TTLL11: variants seen among roughly 807,000 people sequenced by gnomAD.
TTLL11 encodes the protein tubulin polyglutamylase TTLL11.
A neutral mutation model predicts 51.7 loss-of-function variants in TTLL11; 42 were observed. That is an observed-to-expected ratio of 0.81 (90% CI 0.64 to 1.05). The LOEUF is 1.05. TTLL11 is among the 50% of genes least tolerant of loss of function. The probability of loss-of-function intolerance (pLI) is 0.00; values close to 1 mark genes in which losing one functional copy is unlikely to be tolerated. For synonymous variants in TTLL11, 381 were observed against 383.5 expected, an observed-to-expected ratio of 0.99 and a Z score of 0.08; for missense variants, 799 against 940.4, an observed-to-expected ratio of 0.85 and a Z score of 1.97.
At chr9:121,834,170 G>C (rs991947088) in intron 8 of TTLL11, among the ~76,000 whole-genome samples, 1 of 152,176 alleles carries the variant, frequency 6.6e-6, no homozygotes, top group South Asian at 2.1e-4. Flanking sequence ...TTCATCACAG[G>C]AATCTCAGCC....
chr9:122,019,821 G>C (rs995373796), intron 3 of TTLL11, among the ~76,000 whole-genome samples: 6 of 152,186 alleles, frequency 3.9e-5, no homozygotes, highest in Non-Finnish European at 7.3e-5. Flanking sequence ...CCCAGTGGGA[G>C]ATAACTGAAT....
At chr9:121,845,899 A>G (rs1424064747) in intron 8 of TTLL11, among the ~76,000 whole-genome samples, 1 of 152,212 alleles carries the variant, frequency 6.6e-6, no homozygotes, top group Non-Finnish European at 1.5e-5. Context: ...TGTTACAAAC[A>G]TTGATAGGTA....
intron 7 of TTLL11, among the ~76,000 whole-genome samples, chr9:121,868,357 C>T (rs150108742): frequency 6.6e-6 from 1 of 152,316 alleles, no homozygotes; most frequent in East Asian, 1.9e-4. Flanking sequence ...AATGGGGTAG[C>T]ACTATGCACA....
intron 3 of TTLL11, among the ~76,000 whole-genome samples, chr9:122,029,286 G>T (rs1844452517): frequency 1.3e-5 from 2 of 151,828 alleles, no homozygotes; most frequent in Non-Finnish European, 2.9e-5. Context: ...AAAAAAAAAA[G>T]TTGACTGTAG....
At position 121,890,773 on chromosome 9, in the gene TTLL11, G is replaced by GTGCATGAA. The variant is rs1437364138; in HGVS notation, c.1482-20033_1482-20026dup. 2.0e-5 allele frequency among the ~76,000 whole-genome samples: 3 copies of GTGCATGAA among 151,974 alleles called. No homozygotes were observed. Among genetic ancestry groups the GTGCATGAA allele is most frequent in the Non-Finnish European group, 4.4e-5 (3 of 68,032 alleles). On this transcript the variant is annotated intron_variant, in intron 6 of 8. Coordinates refer to ENST00000321582, the MANE Select transcript of TTLL11 (RefSeq NM_001139442.2). The surrounding 1 kb of genome is among the most constrained non-coding windows in gnomAD (Gnocchi z 4.3). ...TAAGTGCTCAATAAACACTGGCTAGGTGCATGAATGCATGAATGGGTGCAT... is the reference window on the plus strand; with the variant it reads ...TAAGTGCTCAATAAACACTGGCTAGGTGCATGAATGCATGAATGCATGAATGGGTGCAT...
intron 6 of TTLL11, among the ~76,000 whole-genome samples, chr9:121,932,953 C>A (rs995521286): frequency 6.6e-6 from 1 of 152,138 alleles, no homozygotes; most frequent in Non-Finnish European, 1.5e-5. Flanking sequence ...TAAATTACAT[C>A]CGAGCCTGTA....
chr9:121,876,922 G>T (rs1168123028), intron 6 of TTLL11, among the ~76,000 whole-genome samples: 1 of 152,240 alleles, frequency 6.6e-6, no homozygotes. Flanking sequence ...AGAATCACTG[G>T]TCTAGGTGAA....
At chr9:121,958,297 G>A (rs562781537) in intron 6 of TTLL11, among the ~76,000 whole-genome samples, 2 of 152,328 alleles carry the variant, frequency 1.3e-5, no homozygotes, top group East Asian at 3.9e-4. Context: ...TGCTGTTGCT[G>A]TTTTCTTTCT....
chr9:121,973,617 C>G (rs1297661242), intron 6 of TTLL11, among the ~76,000 whole-genome samples: 1 of 151,872 alleles, frequency 6.6e-6, no homozygotes, highest in Non-Finnish European at 1.5e-5. Flanking sequence ...GGGGGAAGGA[C>G]AGCATTAGGA....
intron 1 of TTLL11, among the ~76,000 whole-genome samples, chr9:122,087,819 T>C (rs956416406): frequency 4.5e-4 from 68 of 152,330 alleles, no homozygotes; most frequent in African/African-American, 1.4e-3. Flanking sequence ...ACATTGAGCA[T>C]CTGCGGTGAA....
intron 1 of TTLL11, among the ~76,000 whole-genome samples, chr9:122,088,244 G>C (rs565717293): frequency 4.3e-4 from 65 of 152,202 alleles, no homozygotes; most frequent in African/African-American, 1.3e-3. Context: ...TGTAAAACCT[G>C]GTCCATACTG....
chr9:121,858,909 A>G, intron 8 of TTLL11, among the ~76,000 whole-genome samples: 1 of 152,210 alleles, frequency 6.6e-6, no homozygotes, highest in South Asian at 2.1e-4. Flanking sequence ...GACTCACAGG[A>G]GCAAGCTGCC....
At chr9:121,884,200 G>A (rs543468458) in intron 6 of TTLL11, among the ~76,000 whole-genome samples, 88 of 152,174 alleles carry the variant, frequency 5.8e-4, no homozygotes, top group African/African-American at 2.0e-3. Context: ...TGTTTATGGC[G>A]ACACAATGGC....
At chr9:121,847,214 A>G (rs1837544498) in intron 8 of TTLL11, among the ~76,000 whole-genome samples, 1 of 146,052 alleles carries the variant, frequency 6.8e-6, no homozygotes, top group Non-Finnish European at 1.5e-5. Flanking sequence ...TCTCAAAAAA[A>G]AAAAAAAAAA....
At chr9:122,077,816 C>A (rs1254754868) in intron 1 of TTLL11, among the ~76,000 whole-genome samples, 2 of 124,224 alleles carry the variant, frequency 1.6e-5, no homozygotes. Context: ...TGTATTAGAC[C>A]ATAAAGCAAA....
intron 6 of TTLL11, among the ~76,000 whole-genome samples, chr9:121,918,048 C>T (rs1840403623): frequency 6.6e-6 from 1 of 151,884 alleles, no homozygotes; most frequent in South Asian, 2.1e-4. Flanking sequence ...AAAAGGGAAA[C>T]ATGAGGTGGG....
intron 1 of TTLL11, among the ~76,000 whole-genome samples, chr9:122,070,205 G>T (rs1337478958): frequency 6.6e-6 from 1 of 152,148 alleles, no homozygotes; most frequent in Non-Finnish European, 1.5e-5. Context: ...TCAAGATGGA[G>T]CTCATAACTG....
intron 7 of TTLL11, among the ~76,000 whole-genome samples, chr9:121,864,026 G>C (rs1282904441): frequency 1.3e-5 from 2 of 152,156 alleles, no homozygotes; most frequent in African/African-American, 2.4e-5. Context: ...TGGGATATGG[G>C]GCTGGGGCTA....
In TTLL11 at chr9:121,853,849, T is replaced by C. The variant is rs1221621193; in HGVS notation, c.1840+6488A>G. 6.6e-6 allele frequency among the ~76,000 whole-genome samples: 1 copy of C among 152,162 alleles called. No homozygotes were observed. Among genetic ancestry groups the C allele is most frequent in the Non-Finnish European group, 1.5e-5 (1 of 68,028 alleles). ...CTCATCTGGCTGTGAGGCAGGCCCTTCTTCCCATCTCTGTCCCCAGCACCT... is the reference window on the plus strand; with the variant it reads ...CTCATCTGGCTGTGAGGCAGGCCCTCCTTCCCATCTCTGTCCCCAGCACCT... On this transcript the variant is annotated intron_variant, in intron 8 of 8. Coordinates refer to ENST00000321582, the MANE Select transcript of TTLL11 (RefSeq NM_001139442.2). This position sits in a 1 kb window ranked among gnomAD's most constrained non-coding sequence, Gnocchi z 5.6.
Sources: allele counts gnomAD v4.1 joint callset (sites outside exome capture counted in the v4.1 genomes callset), GRCh38; gene constraint gnomAD v4.1.1; non-coding constraint Gnocchi (gnomAD v3.1); transcripts MANE v1.5; gene names NCBI Gene and HGNC (gene_info 2026-07-23, HGNC 2026-07-21).